UPK1B: variants seen among roughly 807,000 people sequenced by gnomAD.
UPK1B encodes uroplakin 1B, also known as uroplakin-1b.
UPK1B carries 28 observed loss-of-function variants against 34.2 expected under a neutral mutation model. That is an observed-to-expected ratio of 0.82 (90% CI 0.61 to 1.12). UPK1B has a LOEUF of 1.12. UPK1B is among the 50% of genes most tolerant of loss of function. The pLI is 0.00. For missense variants in UPK1B, 325 were observed against 320.9 expected (o/e 1.01, Z -0.10); for synonymous variants, 81 against 110.4 (o/e 0.73, Z 1.67).
intron 5 of UPK1B, among the ~76,000 whole-genome samples, chr3:119,191,376 C>T (rs552297003): frequency 1.3e-5 from 2 of 152,152 alleles, no homozygotes; most frequent in Non-Finnish European, 2.9e-5. Context: ...TACCTCTTCA[C>T]AACTCCTGTG....
chr3:119,184,563 CAAAA>C (rs11369996), intron 1 of UPK1B, among the ~76,000 whole-genome samples: 1 of 117,240 alleles, frequency 8.5e-6, no homozygotes, highest in Non-Finnish European at 1.8e-5. Context: ...ACTAAAAATA[CAAAA>C]AAAAAAAAAA....
chr3:119,193,197 G>C (rs1047222368), intron 5 of UPK1B, among the ~76,000 whole-genome samples: 1 of 152,122 alleles, frequency 6.6e-6, no homozygotes, highest in Non-Finnish European at 1.5e-5. Context: ...GCTCAATTTT[G>C]GACCCTTAAA....
chr3:119,189,348 G>T (rs1482525057), intron 3 of UPK1B, among the ~76,000 whole-genome samples: 1 of 152,214 alleles, frequency 6.6e-6, no homozygotes, highest in African/African-American at 2.4e-5. Context: ...ACCCAAAGAG[G>T]AGGACAGTTT....
intron 3 of UPK1B, 82 bp downstream of exon 3, chr3:119,188,057 C>A: frequency 2.1e-6 from 3 of 1,462,522 alleles, no homozygotes; most frequent in South Asian, 1.1e-5. Context: ...AATGCTTTGG[C>A]TTTCAGTGGG....
At chr3:119,185,405 T>C (rs2078013318) in intron 1 of UPK1B, among the ~76,000 whole-genome samples, 1 of 152,182 alleles carries the variant, frequency 6.6e-6, no homozygotes, top group Non-Finnish European at 1.5e-5. Context: ...TGGTTTGCTA[T>C]CTTGTGGGCA....
rs969976973 is a variant in UPK1B, at chr3:119,197,819, G to A, written c.649-1238G>A. 3.3e-5 allele frequency among the ~76,000 whole-genome samples: 5 copies of A among 152,026 alleles called. No individual in the cohort carries two copies. The East Asian group carries it at 5.8e-4, about 18-fold the overall frequency. ...GCAGGGTGAGTATATAGAGTAGGAT[G>A]GAGAAAGGGTCTTTTTCTCTGTCAC... On this transcript the variant is annotated intron_variant, in intron 6 of 7. Transcript: ENST00000264234.
intron 1 of UPK1B, among the ~76,000 whole-genome samples, chr3:119,184,732 T>A (rs555163450): frequency 1.1e-4 from 16 of 151,946 alleles, no homozygotes; most frequent in African/African-American, 3.6e-4. Context: ...TCTCAAAAAA[T>A]AATAATAATA....
rs2078107791 is a variant in UPK1B at position 119,204,045 on chromosome 3, C to T, written c.*78C>T. On this transcript the variant is annotated 3_prime_UTR_variant, in exon 8 of 8. Transcript: ENST00000264234. ...CTGGAACCAGCTCTCTCCTAATATT[C>T]CACGTTTGTGCCCCACACTAACGTG... 6.6e-7 allele frequency: 1 copy of T among 1,515,716 alleles called. No individual in the cohort carries two copies. The highest frequency in any genetic ancestry group is 1.4e-5 in the African/African-American group (1 of 72,922). 93.9% of individuals were successfully genotyped at this position (1,515,716 alleles called of 1,614,324 possible).
At chr3:119,176,577 C>T (rs528002191) in intron 1 of UPK1B, among the ~76,000 whole-genome samples, 36 of 152,298 alleles carry the variant, frequency 2.4e-4, no homozygotes, top group Middle Eastern at 6.8e-3. Context: ...GGGCAGTTTT[C>T]CCACAGGGCG....
At chr3:119,190,479 C>T (rs2078039096) in intron 4 of UPK1B, among the ~76,000 whole-genome samples, 160 bp downstream of exon 4, 1 of 152,214 alleles carries the variant, frequency 6.6e-6, no homozygotes, top group East Asian at 1.9e-4. Context: ...TAGGCATTAT[C>T]ACTCTGGTCA....
intron 1 of UPK1B, among the ~76,000 whole-genome samples, chr3:119,176,780 T>C (rs1001425951): frequency 1.3e-5 from 2 of 152,188 alleles, no homozygotes; most frequent in African/African-American, 4.8e-5. Flanking sequence ...TCCAATATAG[T>C]CAGGGAGGCA....
At chr3:119,191,125 G>A (rs1239135088) in intron 5 of UPK1B, 21 bp downstream of exon 5, 1 of 1,612,384 alleles carries the variant, frequency 6.2e-7, no homozygotes, top group Non-Finnish European at 8.5e-7. Flanking sequence ...TGGTCTTGGG[G>A]AGATGCCATT....
At chr3:119,195,870 A>G (rs2078065091) in intron 6 of UPK1B, among the ~76,000 whole-genome samples, 2 of 152,252 alleles carry the variant, frequency 1.3e-5, no homozygotes, top group Admixed American at 1.3e-4. Context: ...TAGATGAGAA[A>G]TTGAGGAAAA....
chr3:119,188,068 G>C, intron 3 of UPK1B, 93 bp downstream of exon 3: 1 of 1,345,156 alleles, frequency 7.4e-7, no homozygotes, highest in Non-Finnish European at 1.1e-6. Context: ...TTTCAGTGGG[G>C]GAGCAGGAAG....
At position 119,186,738 on chromosome 3, in the gene UPK1B, G is replaced by T; in HGVS notation, c.-4G>T. On this transcript the variant is annotated 5_prime_UTR_variant, in exon 2 of 8. Coordinates refer to ENST00000264234, the MANE Select transcript of UPK1B (RefSeq NM_006952.4). ...GTGCCTTCAGCTTGTGGGAAATCCC[G>T]AAGATGGCCAAAGACAACTCAACTG... 2.5e-6 allele frequency: 4 copies of T among 1,613,964 alleles called. No homozygotes were observed. Among genetic ancestry groups the T allele is most frequent in the Non-Finnish European group, 3.4e-6 (4 of 1,179,974 alleles).
At chr3:119,196,741 T>G (rs963777560) in intron 6 of UPK1B, among the ~76,000 whole-genome samples, 1 of 152,024 alleles carries the variant, frequency 6.6e-6, no homozygotes, top group Non-Finnish European at 1.5e-5. Context: ...GGTTTCACCA[T>G]GTTGGCCAGG....
At chr3:119,190,838 C>T in intron 4 of UPK1B, 144 bp from the exon 5 acceptor site, 2 of 1,149,082 alleles carry the variant, frequency 1.7e-6, no homozygotes, top group Non-Finnish European at 1.2e-6. Context: ...CAACCTCAGC[C>T]AGCTGTACTT....
chr3:119,175,032 T>A lies in UPK1B; in HGVS notation c.-29+1394T>A, dbSNP rs1271618197. Among the ~76,000 whole-genome samples, 416 of 78,062 alleles carry A rather than the reference T, an allele frequency of 5.3e-3. 11 individuals are homozygous for A. Among genetic ancestry groups the A allele is most frequent in the African/African-American group, 0.018 (397 of 21,696 alleles). The allele number at this position is 78,062 out of a possible 152,430, so 51.2% of individuals were successfully genotyped here. A position where few individuals can be genotyped will look rare whatever the true frequency, so the allele number is the denominator to read the frequency against. ...ATTTTCTTTTTTTTTTTTTTTTTTT[T>A]TTTTTTTTTTTTTTTGAGACGGAGT... On this transcript the variant is annotated intron_variant, in intron 1 of 7. Coordinates refer to ENST00000264234, the MANE Select transcript of UPK1B (RefSeq NM_006952.4).
At chr3:119,203,802 A>T in intron 7 of UPK1B, 115 bp from the exon 8 acceptor site, 1 of 1,039,952 alleles carries the variant, frequency 9.6e-7, no homozygotes. Flanking sequence ...AAACAAACAA[A>T]CAAAAAAATC....
Sources: allele counts gnomAD v4.1 joint callset (sites outside exome capture counted in the v4.1 genomes callset), GRCh38; gene constraint gnomAD v4.1.1; transcripts MANE v1.5; gene names NCBI Gene and HGNC (gene_info 2026-07-23, HGNC 2026-07-21).